The following TMEM130 variants were observed in gnomAD, a reference collection of about 807,000 sequenced individuals.
TMEM130 encodes the protein transmembrane protein 130.
A neutral mutation model predicts 42.9 loss-of-function variants in TMEM130; 37 were observed. That is an observed-to-expected ratio of 0.86 (90% confidence interval 0.66 to 1.13). The LOEUF (loss-of-function observed/expected upper bound fraction) is 1.13. Ranked by LOEUF, TMEM130 falls within the 50% of genes most tolerant of loss-of-function variation. TMEM130 has a pLI of 0.00. For synonymous variants in TMEM130, 259 were observed against 237.7 expected (o/e 1.09, Z -0.82); for missense variants, 545 against 562.6 (o/e 0.97, Z 0.32).
intron 5 of TMEM130, among the ~76,000 whole-genome samples, chr7:98,854,892 C>T (rs1554398701): frequency 2.0e-5 from 3 of 152,186 alleles, no homozygotes; most frequent in South Asian, 2.1e-4. Context: ...AAAAATTAGC[C>T]GGGCATCGTG....
At chr7:98,853,511 C>T (rs1390750387) in intron 5 of TMEM130, among the ~76,000 whole-genome samples, 3 of 152,184 alleles carry the variant, frequency 2.0e-5, no homozygotes, top group Admixed American at 6.5e-5. Flanking sequence ...ACCTGTAATC[C>T]CAGCTACTCG....
intron 1 of TMEM130, among the ~76,000 whole-genome samples, chr7:98,868,511 A>G (rs1264828917): frequency 2.6e-5 from 4 of 152,226 alleles, no homozygotes. Context: ...ACACTTCCAA[A>G]GAGTACCTCT....
intron 5 of TMEM130, among the ~76,000 whole-genome samples, chr7:98,854,532 A>C (rs1794584601): frequency 6.6e-6 from 1 of 152,206 alleles, no homozygotes; most frequent in African/African-American, 2.4e-5. Context: ...TGAGCTCAGG[A>C]GACTGAGACT....
intron 6 of TMEM130, among the ~76,000 whole-genome samples, chr7:98,850,273 A>ATATATATATTTTT: frequency 6.2e-4 from 22 of 35,372 alleles, no homozygotes; most frequent in Non-Finnish European, 8.3e-4. Context: ...ATATATATAT[A>ATATATATATTTTT]TTTTTTTTTT....
At position 98,847,264 on chromosome 7, in the gene TMEM130, G is replaced by A. The variant is rs73147835; in HGVS notation, c.*792C>T. On this transcript the variant is annotated 3_prime_UTR_variant, in exon 8 of 8. Coordinates refer to ENST00000339375, the MANE Select transcript of TMEM130 (RefSeq NM_152913.3). ...TTATAAAGCACTCTGCAATCACTCA[G>A]TATTAGTCCTGCCCCCCATCCAGCC... 0.043 allele frequency: 6,502 copies of A among 152,336 alleles called. 168 individuals are homozygous for A. The highest frequency in any genetic ancestry group is 0.057 in the Middle Eastern group (17 of 296). The allele number at this position is 152,336 out of a possible 1,614,324, so 9.4% of individuals were successfully genotyped here.
intron 6 of TMEM130, among the ~76,000 whole-genome samples, chr7:98,850,053 T>G (rs1282557517): frequency 2.0e-5 from 3 of 151,494 alleles, no homozygotes; most frequent in Non-Finnish European, 2.9e-5. Context: ...TTTTTATTTT[T>G]TATTTATTTT....
rs1179088568 is a variant in TMEM130 at position 98,850,250 on chromosome 7, CAT to C, written c.1006+1169_1006+1170del. 6.1e-4 allele frequency among the ~76,000 whole-genome samples: 39 copies of C among 64,352 alleles called. 1 individual carries two copies. The highest frequency in any genetic ancestry group is 2.3e-3 in the South Asian group (4 of 1,768). The allele number at this position is 64,352 out of a possible 152,430, so 42.2% of individuals were successfully genotyped here. On this transcript the variant is annotated intron_variant, in intron 6 of 7. Coordinates refer to ENST00000339375, the MANE Select transcript of TMEM130 (RefSeq NM_152913.3). ...TCCCTCTCTCTCTCTCTGTCTCTCT[CAT>C]ATATATATATATATATATATATTTT... is the stretch of plus-strand genomic sequence containing the variant.
At chr7:98,860,020 G>T (rs1003725301) in intron 3 of TMEM130, among the ~76,000 whole-genome samples, 159 bp downstream of exon 3, 1 of 150,710 alleles carries the variant, frequency 6.6e-6, no homozygotes, top group Non-Finnish European at 1.5e-5. Context: ...AGTGAGCCAA[G>T]ATGGTACTAC....
At chr7:98,851,278 T>A in intron 6 of TMEM130, 143 bp downstream of exon 6, 3 of 787,674 alleles carry the variant, frequency 3.8e-6, no homozygotes, top group Non-Finnish European at 6.3e-6. Context: ...TCAGTGGGGT[T>A]ATGGATGGTG....
intron 2 of TMEM130, among the ~76,000 whole-genome samples, chr7:98,862,567 C>T (rs554894453): frequency 7.1e-6 from 1 of 140,316 alleles, no homozygotes; most frequent in South Asian, 2.2e-4. Flanking sequence ...GGCACGTTCT[C>T]GGCTCACTGC....
rs782531212 is a variant in TMEM130, at chr7:98,863,207, G to A, written c.279C>T (p.Ile93=). The change falls in exon 2 of 8, where the codon ATC becomes ATT. Residue 93 remains isoleucine, a synonymous_variant. Transcript: ENST00000339375. Reference sequence around the variant, plus strand: ...CCCCGGGCACGTGGCCGACCACACGGATGGTGGAGCTGAGACCCTTCTCCA... The same window carrying A: ...CCCCGGGCACGTGGCCGACCACACGAATGGTGGAGCTGAGACCCTTCTCCA... The part of the protein sequence containing the change: ...GKMEKGLSST[I]RVVGHVPGEF... 6.2e-7 allele frequency: 1 copy of A among 1,614,120 alleles called. No homozygotes were observed. The highest frequency in any genetic ancestry group is 8.5e-7 in the Non-Finnish European group (1 of 1,180,030).
chr7:98,866,947 A>G (rs1794924059), intron 1 of TMEM130: 1 of 152,048 alleles, frequency 6.6e-6, no homozygotes, highest in African/African-American at 2.4e-5. Context: ...AAATTTAAAA[A>G]TTAGCCAGGC....
chr7:98,869,530 G>A lies in TMEM130; in HGVS notation c.85+247C>T, dbSNP rs911033811. Among the ~76,000 whole-genome samples, 18 of 152,020 alleles carry A rather than the reference G, an allele frequency of 1.2e-4. No homozygotes were observed. Among genetic ancestry groups the A allele is most frequent in the African/African-American group, 2.7e-4 (11 of 41,426 alleles). On this transcript the variant is annotated intron_variant, in intron 1 of 7. Coordinates refer to ENST00000339375, the MANE Select transcript of TMEM130 (RefSeq NM_152913.3). This position sits in a 1 kb window ranked among gnomAD's most constrained non-coding sequence, Gnocchi z 4.7. ...GCGGTTTCCAGGGCAGGGCCAGCCT[G>A]GGGGGGTGGAAGCAGGAATCCAGGG... is the stretch of plus-strand genomic sequence containing the variant.
intron 1 of TMEM130, among the ~76,000 whole-genome samples, chr7:98,864,553 A>T (rs1165422719): frequency 6.6e-6 from 1 of 151,358 alleles, no homozygotes; most frequent in African/African-American, 2.4e-5. Flanking sequence ...TGCTGGTCTC[A>T]TGCCTCTGGA....
In TMEM130 at chr7:98,851,410, G is replaced by C; in HGVS notation, c.1006+11C>G. 1 of 1,613,902 alleles carries C rather than the reference G, an allele frequency of 6.2e-7. No homozygotes were observed. Among genetic ancestry groups the C allele is most frequent in the Non-Finnish European group, 8.5e-7 (1 of 1,179,810 alleles). On this transcript the variant is annotated intron_variant, in intron 6 of 7. Transcript: ENST00000339375. ...ATGTGGCACTGGAGCAGAAGGCGAG[G>C]TGTCACTTACTGGAGGGCCACACCT... is the stretch of plus-strand genomic sequence containing the variant.
Position 98,851,412 on chromosome 7 carries a change from G to A in TMEM130, c.1006+9C>T, listed in dbSNP as rs1794501474. On this transcript the variant is annotated intron_variant, in intron 6 of 7. Transcript: ENST00000339375. ...GTGGCACTGGAGCAGAAGGCGAGGT[G>A]TCACTTACTGGAGGGCCACACCTGG... 1.9e-6 allele frequency: 3 copies of A among 1,613,870 alleles called. No individual in the cohort carries two copies. Among genetic ancestry groups the A allele is most frequent in the Non-Finnish European group, 2.5e-6 (3 of 1,179,900 alleles).
chr7:98,848,360 C>T, intron 7 of TMEM130, 152 bp from the exon 8 acceptor site: 1 of 917,726 alleles, frequency 1.1e-6, no homozygotes, highest in Non-Finnish European at 1.7e-6. Context: ...TCTGGCACCA[C>T]ACAGATGCAA....
At chr7:98,858,579 A>C (rs1794686190) in intron 3 of TMEM130, among the ~76,000 whole-genome samples, 2 of 150,766 alleles carry the variant, frequency 1.3e-5, no homozygotes, top group South Asian at 2.1e-4. Flanking sequence ...AGCCAAGCAC[A>C]GTGGTTCACA....
intron 6 of TMEM130, among the ~76,000 whole-genome samples, chr7:98,850,013 C>T (rs1794449704): frequency 6.6e-6 from 1 of 151,830 alleles, no homozygotes; most frequent in Admixed American, 6.6e-5. Context: ...AAAGGTATTT[C>T]AAGAAAGAAG....
Sources: allele counts gnomAD v4.1 joint callset (sites outside exome capture counted in the v4.1 genomes callset), GRCh38; gene constraint gnomAD v4.1.1; non-coding constraint Gnocchi (gnomAD v3.1); transcripts MANE v1.5; gene names NCBI Gene and HGNC (gene_info 2026-07-23, HGNC 2026-07-21).